ELMO2: variants seen among roughly 807,000 people sequenced by gnomAD.
ELMO2 encodes engulfment and cell motility protein 2.
In ELMO2, 37 loss-of-function variants were observed where a neutral mutation model predicts 96.2. That is an observed-to-expected ratio of 0.38 (90% CI 0.30 to 0.51). The LOEUF is 0.51. ELMO2 is among the 20% of genes least tolerant of loss of function. The pLI is 0.88. For synonymous variants in ELMO2, 315 were observed against 329.4 expected, an observed-to-expected ratio of 0.96 and a Z score of 0.47; for missense variants, 561 against 912.6, an observed-to-expected ratio of 0.61 and a Z score of 4.96.
chr20:46,393,981 C>G, intron 4 of ELMO2, 68 bp downstream of exon 4: 2 of 1,607,494 alleles, frequency 1.2e-6, no homozygotes, highest in Admixed American at 1.7e-5. Flanking sequence ...CAGAACTCCC[C>G]TCAAGGTGTA....
intron 11 of ELMO2, chr20:46,376,958 C>T (rs1205091429): frequency 6.6e-6 from 3 of 451,408 alleles, no homozygotes; most frequent in African/African-American, 2.1e-5. Context: ...CCGTGGCTAG[C>T]GGCTACAGCA....
intron 16 of ELMO2, 98 bp from the exon 17 acceptor site, chr20:46,372,067 G>C (rs2059728715): frequency 8.0e-6 from 12 of 1,498,230 alleles, no homozygotes; most frequent in African/African-American, 1.4e-5. Flanking sequence ...CCAGGGTCTT[G>C]AGCAGGGCAG....
chr20:46,369,039 G>A (rs2059641621), intron 20 of ELMO2, 71 bp from the exon 21 acceptor site: 1 of 1,406,338 alleles, frequency 7.1e-7, no homozygotes, highest in Admixed American at 1.7e-5. Context: ...CTTGGCCAAA[G>A]TCCTAGTGAC....
intron 1 of ELMO2, among the ~76,000 whole-genome samples, chr20:46,400,564 T>C (rs560036869): frequency 1.7e-4 from 26 of 152,376 alleles, no homozygotes; most frequent in South Asian, 6.2e-4. Flanking sequence ...AGAGGGCCCC[T>C]TCCGGATTAA....
At chr20:46,373,609 T>C (rs758118887) in intron 15 of ELMO2, 74 bp from the exon 16 acceptor site, 191 of 1,572,640 alleles carry the variant, frequency 1.2e-4, no homozygotes, top group Admixed American at 2.7e-4. Context: ...TCTGGAAACT[T>C]TGCACCAAAG....
chr20:46,388,328 T>G (rs1568773718), intron 7 of ELMO2, among the ~76,000 whole-genome samples: 2 of 152,232 alleles, frequency 1.3e-5, no homozygotes, highest in African/African-American at 2.4e-5. Flanking sequence ...TATGATTAGT[T>G]ACTCGATTTG....
In ELMO2 at chr20:46,383,492, G is replaced by C. The variant is rs1345979268; in HGVS notation, c.680C>G (p.Ser227Cys). The C allele has an allele frequency of 3.8e-5, 61 of 1,614,002 alleles. No individual in the cohort carries two copies. The highest frequency in any genetic ancestry group is 5.1e-5 in the Non-Finnish European group (60 of 1,179,888). Residue 227 changes from serine (S) to cysteine (C), a missense_variant and splice_region_variant, in exon 10 of 22, where the codon TCC becomes TGC. Physicochemically the swap from Ser to Cys is moderately radical, Grantham distance 112. Transcript: ENST00000290246. The part of the protein sequence containing the change: ...VGQLISHLQV[S>C]NQEIQTYAIA... ...GGCGTAGGTCTGAATCTCCTGGTTG[G>C]AGCTGTGTCAATGGAGAAAGAAGAG...
At chr20:46,389,396 A>G (rs2060111219) in intron 6 of ELMO2, among the ~76,000 whole-genome samples, 176 bp from the exon 7 acceptor site, 1 of 152,214 alleles carries the variant, frequency 6.6e-6, no homozygotes, top group South Asian at 2.1e-4. Flanking sequence ...AGTTATTAGT[A>G]TGCCAAAACC....
intron 16 of ELMO2, among the ~76,000 whole-genome samples, chr20:46,372,663 C>T (rs1297674908): frequency 2.6e-5 from 4 of 152,192 alleles, no homozygotes; most frequent in South Asian, 4.2e-4. Flanking sequence ...GAAAGGCAAG[C>T]GCAGTTCTGG....
At chr20:46,374,291 G>A in intron 15 of ELMO2, 41 bp downstream of exon 15, 1 of 1,532,540 alleles carries the variant, frequency 6.5e-7, no homozygotes, top group Non-Finnish European at 9.0e-7. Context: ...AGCTCTTGAT[G>A]ACAAGGAATG....
chr20:46,386,692 T>C (rs1173384215), intron 8 of ELMO2, among the ~76,000 whole-genome samples: 1 of 152,234 alleles, frequency 6.6e-6, no homozygotes, highest in Non-Finnish European at 1.5e-5. Flanking sequence ...TTTACTCTAA[T>C]CCTTCTTCTC....
At chr20:46,378,943 C>G (rs1016341331) in intron 11 of ELMO2, among the ~76,000 whole-genome samples, 1 of 152,144 alleles carries the variant, frequency 6.6e-6, no homozygotes, top group African/African-American at 2.4e-5. Context: ...TCATTTTATT[C>G]CCTTCACTGT....
chr20:46,393,922 G>A, intron 4 of ELMO2, 127 bp downstream of exon 4: 1 of 1,263,444 alleles, frequency 7.9e-7, no homozygotes. Context: ...CCAAGACAAT[G>A]ATTCCCAAGA....
At chr20:46,368,466 A>G (rs1477027396) in intron 21 of ELMO2, among the ~76,000 whole-genome samples, 1 of 152,132 alleles carries the variant, frequency 6.6e-6, no homozygotes, top group Non-Finnish European at 1.5e-5. Flanking sequence ...GTAGCTGACC[A>G]CAGAGAAACT....
chr20:46,386,465 A>G (rs2060046412), intron 8 of ELMO2, among the ~76,000 whole-genome samples, 190 bp from the exon 9 acceptor site: 1 of 152,234 alleles, frequency 6.6e-6, no homozygotes, highest in African/African-American at 2.4e-5. Flanking sequence ...GGATACCTTA[A>G]TCTCAGATTA....
Position 46,371,592 on chromosome 20 carries a change from G to A in ELMO2, c.1680C>T (p.Asn560=). 3 of 1,602,730 alleles carry A rather than the reference G, an allele frequency of 1.9e-6. No homozygotes were observed. Among genetic ancestry groups the A allele is most frequent in the Non-Finnish European group, 2.6e-6 (3 of 1,175,116 alleles). ...CEGSSFRKIG[N]RRRQERFWYC... is the part of the protein sequence containing the mutation. ...GTCTCCTCTCACCTTGCCTTCGGCG[G>A]TTCCCAATCTTTCGGAAGCTGCTGC... Residue 560 remains asparagine, a synonymous_variant, in exon 18 of 22, where the codon AAC becomes AAT. Transcript: ENST00000290246. This position sits in a 1 kb window ranked among gnomAD's most constrained non-coding sequence, Gnocchi z 5.9.
At chr20:46,379,635 A>G (rs563312698) in intron 11 of ELMO2, among the ~76,000 whole-genome samples, 4 of 151,576 alleles carry the variant, frequency 2.6e-5, no homozygotes, top group Non-Finnish European at 4.4e-5. Flanking sequence ...CTAATCACAC[A>G]CTCCTTCTGG....
chr20:46,376,722 T>C, intron 11 of ELMO2: 1 of 1,289,508 alleles, frequency 7.8e-7, no homozygotes, highest in Non-Finnish European at 1.0e-6. Flanking sequence ...ATCCTGTCCC[T>C]CTTGGTTCTT....
chr20:46,375,771 C>G lies in ELMO2; in HGVS notation c.827G>C (p.Arg276Pro). The change falls in exon 12 of 22, where the codon CGC becomes CCC. Residue 276 changes from arginine (R) to proline (P), a missense_variant. Physicochemically the swap from Arg to Pro is moderately radical, Grantham distance 103. Coordinates refer to ENST00000290246, the MANE Select transcript of ELMO2 (RefSeq NM_133171.5). The surrounding 1 kb of genome is among the most constrained non-coding windows in gnomAD (Gnocchi z 4.6). ...IILNHVIRGNRPIKTEMAHQL... is the reference protein window; with the variant it reads ...IILNHVIRGNPPIKTEMAHQL... ...ATGGGCCATCTCAGTTTTGATGGGGCGGTTCCCTCGGATCACATGCTAGAA... is the reference window on the plus strand; with the variant it reads ...ATGGGCCATCTCAGTTTTGATGGGGGGGTTCCCTCGGATCACATGCTAGAA... 6.2e-7 allele frequency: 1 copy of G among 1,614,108 alleles called. No homozygotes were observed. The highest frequency in any genetic ancestry group is 2.2e-5 in the East Asian group (1 of 44,874).
Sources: gnomAD v4.1 joint callset for allele counts (sites outside exome capture counted in the v4.1 genomes callset) on GRCh38, gnomAD v4.1.1 for gene constraint, Gnocchi (gnomAD v3.1) non-coding constraint, MANE v1.5 for transcripts, NCBI Gene and HGNC (gene_info 2026-07-23, HGNC 2026-07-21) for gene names.